The following NFKBIB variants were observed in gnomAD, a reference collection of about 807,000 sequenced individuals.
The protein encoded by NFKBIB is NFKB inhibitor beta, also known as NF-kappa-B inhibitor beta.
NFKBIB carries 16 observed loss-of-function variants against 32.1 expected under a neutral mutation model. The observed-to-expected ratio is 0.50, with a 90% confidence interval of 0.34 to 0.76. The LOEUF (loss-of-function observed/expected upper bound fraction) is 0.76. Ranked by LOEUF, NFKBIB falls within the 30% of genes least tolerant of loss-of-function variation. The probability of loss-of-function intolerance (pLI) is 0.01; values close to 1 mark genes in which losing one functional copy is unlikely to be tolerated. For synonymous variants in NFKBIB, 222 were observed against 219.5 expected, an observed-to-expected ratio of 1.01 and a Z score of -0.10; for missense variants, 437 against 514.9, an observed-to-expected ratio of 0.85 and a Z score of 1.46.
chr19:38,905,449 C>T lies in NFKBIB; in HGVS notation c.533C>T (p.Ala178Val). The T allele has an allele frequency of 6.2e-7, 1 of 1,614,030 alleles. No homozygotes were observed. Among genetic ancestry groups the T allele is most frequent in the Non-Finnish European group, 8.5e-7 (1 of 1,179,986 alleles). Residue 178 changes from alanine (A) to valine (V), a missense_variant, in exon 3 of 6, where the codon GCC becomes GTC. Ala to Val is a moderately conservative substitution (Grantham distance 64). Transcript: ENST00000313582. The surrounding 1 kb of genome is among the most constrained non-coding windows in gnomAD (Gnocchi z 5.5). ...CCCGACACCAACCATACCCCTGTCG[C>T]CTTGTACCCCGATTCCGACTTGGAG... ...RTPDTNHTPVALYPDSDLEKE... is the reference protein window; with the variant it reads ...RTPDTNHTPVVLYPDSDLEKE...
chr19:38,906,555 C>T (rs1312307363), intron 3 of NFKBIB, among the ~76,000 whole-genome samples: 4 of 149,686 alleles, frequency 2.7e-5, no homozygotes, highest in African/African-American at 9.9e-5. Flanking sequence ...CTGCAAGCTC[C>T]GCCTCCTGGG....
chr19:38,904,534 T>C (rs1286450756), intron 1 of NFKBIB, among the ~76,000 whole-genome samples: 5 of 152,128 alleles, frequency 3.3e-5, no homozygotes, highest in Non-Finnish European at 7.3e-5. Context: ...AGACTCTTCC[T>C]CCATATCCAT....
At position 38,907,658 on chromosome 19, in the gene NFKBIB, G is replaced by A. The variant is rs1214959050; in HGVS notation, c.968G>A (p.Gly323Asp). The A allele has an allele frequency of 6.2e-7, 1 of 1,600,396 alleles. No individual in the cohort carries two copies. The highest frequency in any genetic ancestry group is 8.5e-7 in the Non-Finnish European group (1 of 1,173,804). ...AGCGACAGCGACAGCGGAGACGAGG[G>A]CGTGAGTCAGGAGGAGAGACAGGGC... ...SSSDSDSGDEGDEYDDIVVHS... is the reference protein window; with the variant it reads ...SSSDSDSGDEDDEYDDIVVHS... Residue 323 changes from glycine to aspartate, a missense_variant and splice_region_variant, in exon 5 of 6, where the codon GGC becomes GAC. By Grantham distance (94) the Gly-to-Asp change is moderately conservative. Coordinates refer to ENST00000313582, the MANE Select transcript of NFKBIB (RefSeq NM_002503.5).
Position 38,907,979 on chromosome 19 carries a change from T to TG in NFKBIB, c.969+322dup. On this transcript the variant is annotated intron_variant, in intron 5 of 5. Coordinates refer to ENST00000313582, the MANE Select transcript of NFKBIB (RefSeq NM_002503.5). ...GGGGGTGATTTTAGGCAGCAAGAATTGGAGAACTCACACTGCGAAAAGAAA... is the reference window on the plus strand; with the variant it reads ...GGGGGTGATTTTAGGCAGCAAGAATTGGGAGAACTCACACTGCGAAAAGAAA... 2.5e-6 allele frequency: 3 copies of TG among 1,198,114 alleles called. No individual in the cohort carries two copies. In the South Asian group the frequency reaches 8.6e-5, roughly 34 times the overall value. The allele number at this position is 1,198,114 out of a possible 1,614,324, so 74.2% of individuals were successfully genotyped here.
At chr19:38,903,929 G>A (rs1007936613) in intron 1 of NFKBIB, among the ~76,000 whole-genome samples, 1 of 151,992 alleles carries the variant, frequency 6.6e-6, no homozygotes, top group South Asian at 2.1e-4. Flanking sequence ...AATTAGCCAG[G>A]TGTGGTGGCA....
At chr19:38,903,260 CAT>C (rs1244098326) in intron 1 of NFKBIB, among the ~76,000 whole-genome samples, 5 of 152,002 alleles carry the variant, frequency 3.3e-5, no homozygotes, top group Non-Finnish European at 7.4e-5. Context: ...TGCCATTTCA[CAT>C]AGAGTAAAAG....
In NFKBIB at chr19:38,907,209, C is replaced by G. The variant is rs1246288668; in HGVS notation, c.620-12C>G. 1.2e-6 allele frequency: 2 copies of G among 1,604,062 alleles called. No homozygotes were observed. Among genetic ancestry groups the G allele is most frequent in the Middle Eastern group, 3.3e-4 (2 of 6,030 alleles). On this transcript the variant is annotated splice_polypyrimidine_tract_variant and intron_variant, in intron 3 of 5. Coordinates refer to ENST00000313582, the MANE Select transcript of NFKBIB (RefSeq NM_002503.5). ...TCACCTCATCATCTGACGCCAATCA[C>G]TCTGTCCCCAGGCCACACCCCACTC... is the stretch of plus-strand genomic sequence containing the variant.
rs750105012 is a variant in NFKBIB at position 38,908,803 on chromosome 19, C to T, written c.1042C>T (p.Pro348Ser). ...TRLPPTPASK[P>S]LPDDPRPV is the part of the protein sequence containing the mutation. ...GCTGCCTCCCACCCCAGCCTCAAAA[C>T]CTCTTCCTGACGACCCCCGCCCCGT... The change falls in exon 6 of 6, where the codon CCT becomes TCT. Residue 348 changes from proline (P) to serine (S), a missense_variant. Transcript: ENST00000313582. 1.1e-5 allele frequency: 17 copies of T among 1,613,546 alleles called. No individual in the cohort carries two copies. The South Asian group carries it at 1.6e-4, about 16-fold the overall frequency.
rs532837981 is a variant in NFKBIB, at chr19:38,902,360, G to T, written c.179+2149G>T. Among the ~76,000 whole-genome samples, 10 of 151,944 alleles carry T rather than the reference G, an allele frequency of 6.6e-5. No homozygotes were observed. The South Asian group carries it at 1.9e-3, about 29-fold the overall frequency. ...GCTGGGATTACAGGCGTGAGCCACC[G>T]CGCCCGGCCTCATTTTATTTCTTTT... On this transcript the variant is annotated intron_variant, in intron 1 of 5. Coordinates refer to ENST00000313582, the MANE Select transcript of NFKBIB (RefSeq NM_002503.5).
intron 1 of NFKBIB, among the ~76,000 whole-genome samples, chr19:38,903,577 C>T (rs954849568): frequency 3.9e-5 from 6 of 152,008 alleles, no homozygotes; most frequent in African/African-American, 1.2e-4. Flanking sequence ...TGTGGGCCAC[C>T]GTGCCCAGCA....
At chr19:38,907,782 G>A (rs1400508909) in intron 5 of NFKBIB, 123 bp downstream of exon 5, 6 of 1,451,478 alleles carry the variant, frequency 4.1e-6, no homozygotes, top group African/African-American at 2.9e-5. Context: ...AGGCAGCAGC[G>A]CCAGTGACAC....
Position 38,905,792 on chromosome 19 carries a change from G to A in NFKBIB, c.619+257G>A, listed in dbSNP as rs1195454539. Among the ~76,000 whole-genome samples the A allele has an allele frequency of 1.3e-5, 2 of 152,046 alleles. No homozygotes were observed. Among genetic ancestry groups the A allele is most frequent in the Admixed American group, 6.5e-5 (1 of 15,278 alleles). ...GTCACCCACAGACCCAGAGCTGCCA[G>A]GATCCAGTTGTCGGGCCCCCGGGCT... On this transcript the variant is annotated intron_variant, in intron 3 of 5. Transcript: ENST00000313582. This position sits in a 1 kb window ranked among gnomAD's most constrained non-coding sequence, Gnocchi z 5.5.
At position 38,905,123 on chromosome 19, in the gene NFKBIB, G is replaced by A; in HGVS notation, c.285+3G>A. ...ACCTGCAGAATGACCTAGGCCAGGT[G>A]AGCCACGAGGGATGGTGTAGGGCTT... On this transcript the variant is annotated splice_donor_region_variant and intron_variant, in intron 2 of 5. Transcript: ENST00000313582. The surrounding 1 kb of genome is among the most constrained non-coding windows in gnomAD (Gnocchi z 5.5). 1 of 1,614,148 alleles carries A rather than the reference G, an allele frequency of 6.2e-7. No homozygotes were observed. Among genetic ancestry groups the A allele is most frequent in the Non-Finnish European group, 8.5e-7 (1 of 1,179,990 alleles).
At chr19:38,904,247 T>C (rs150397032) in intron 1 of NFKBIB, among the ~76,000 whole-genome samples, 431 of 152,216 alleles carry the variant, frequency 2.8e-3, no homozygotes, top group Non-Finnish European at 3.8e-3. Context: ...TCCCCACTAT[T>C]GAGGCAAGAC....
chr19:38,899,861 C>T, upstream of NFKBIB: 4 of 760,470 alleles, frequency 5.3e-6, no homozygotes. Context: ...CCCGAATACT[C>T]TGATTGGTCA....
chr19:38,902,707 C>T (rs1045058399), intron 1 of NFKBIB, among the ~76,000 whole-genome samples: 9 of 152,318 alleles, frequency 5.9e-5, no homozygotes, highest in East Asian at 3.9e-4. Context: ...TCTTTTGGAA[C>T]GCAAGCAAGC....
intron 5 of NFKBIB, chr19:38,908,189 G>A: frequency 1.0e-6 from 1 of 994,062 alleles, no homozygotes. Context: ...GGCCAGCTCA[G>A]TTGCCGAAAC....
upstream of NFKBIB, chr19:38,899,697 C>A: frequency 1.1e-6 from 1 of 925,876 alleles, no homozygotes; most frequent in Non-Finnish European, 1.7e-6. Context: ...GACATTGCGG[C>A]CGCAGACGCG....
upstream of NFKBIB, chr19:38,899,761 G>GGACTACGAGTCCCA: frequency 1.4e-6 from 1 of 691,330 alleles, no homozygotes; most frequent in Non-Finnish European, 2.5e-6. Flanking sequence ...CGCGAGGACC[G>GGACTACGAGTCCCA]GACTACGAGT....
Sources: gnomAD v4.1 joint callset for allele counts (sites outside exome capture counted in the v4.1 genomes callset) on GRCh38, gnomAD v4.1.1 for gene constraint, Gnocchi (gnomAD v3.1) non-coding constraint, MANE v1.5 for transcripts, NCBI Gene and HGNC (gene_info 2026-07-23, HGNC 2026-07-21) for gene names.